The following UGT2B10 variants were observed in gnomAD, a reference collection of about 807,000 sequenced individuals.
UGT2B10 encodes the protein UDP-glucuronosyltransferase 2B10.
In UGT2B10, 51 loss-of-function variants were observed where a neutral mutation model predicts 43.7. The observed-to-expected ratio is 1.17, with a 90% CI of 0.93 to 1.47. The LOEUF is 1.47. UGT2B10 is among the 40% of genes most tolerant of loss of function. The pLI is 0.00. For missense variants in UGT2B10, 696 were observed against 617.7 expected, an observed-to-expected ratio of 1.13 and a Z score of -1.34; for synonymous variants, 225 against 209.0, an observed-to-expected ratio of 1.08 and a Z score of -0.66.
intron 3 of UGT2B10, among the ~76,000 whole-genome samples, chr4:68,824,746 G>T (rs561891641): frequency 1.3e-5 from 2 of 152,262 alleles, no homozygotes; most frequent in African/African-American, 4.8e-5. Context: ...CTTGGCTATA[G>T]AAGAACATAT....
At position 68,830,815 on chromosome 4, in the gene UGT2B10, C is replaced by T. The variant is rs772618391; in HGVS notation, c.1523C>T (p.Thr508Ile). The change falls in exon 6 of 6, where the codon ACA (threonine) becomes ATA (isoleucine). Residue 508 changes from threonine to isoleucine, a missense_variant. Physicochemically the swap from Thr to Ile is moderately conservative, Grantham distance 89. Transcript: ENST00000265403. ...ACVATVLFII[T>I]KCCLFCFWKF... ...GTGGCAACCGTGCTATTTATCATCA[C>T]AAAGTGTTGTCTGTTTTGTTTCTGG... 5.0e-6 allele frequency: 8 copies of T among 1,613,094 alleles called. No homozygotes were observed. In the Admixed American group the frequency reaches 1.3e-4, roughly 27 times the overall value.
chr4:68,827,659 A>G, intron 5 of UGT2B10, 111 bp downstream of exon 5: 2 of 1,512,868 alleles, frequency 1.3e-6, no homozygotes, highest in South Asian at 1.3e-5. Context: ...AAGAATTTAA[A>G]TGATTTAACC....
intron 5 of UGT2B10, among the ~76,000 whole-genome samples, chr4:68,829,675 A>G (rs58191588): frequency 0.013 from 1,996 of 152,108 alleles, 33 homozygotes; most frequent in African/African-American, 0.042. Context: ...TGCCTTGGGT[A>G]TAGCAAGAAA....
chr4:68,823,740 A>T (rs1280745140), intron 3 of UGT2B10, among the ~76,000 whole-genome samples: 1 of 152,168 alleles, frequency 6.6e-6, no homozygotes, highest in African/African-American at 2.4e-5. Flanking sequence ...CCTAAAAATT[A>T]GAGCTTTTGG....
chr4:68,819,592 A>G (rs1024512667), intron 2 of UGT2B10, among the ~76,000 whole-genome samples: 1 of 151,982 alleles, frequency 6.6e-6, no homozygotes, highest in Non-Finnish European at 1.5e-5. Context: ...GCATAAACAT[A>G]TCCTATTAGA....
Position 68,826,413 on chromosome 4 carries a change from C to A in UGT2B10, c.1003C>A (p.Leu335Ile). 1.2e-6 allele frequency: 2 copies of A among 1,610,176 alleles called. No individual in the cohort carries two copies. The highest frequency in any genetic ancestry group is 1.7e-6 in the Non-Finnish European group (2 of 1,178,818). Residue 335 changes from leucine (L) to isoleucine (I), a missense_variant, in exon 4 of 6, where the codon CTT becomes ATT. Physicochemically the swap from Leu to Ile is conservative, Grantham distance 5. Coordinates refer to ENST00000265403, the MANE Select transcript of UGT2B10 (RefSeq NM_001075.6). ...TALAKIPQKV[L>I]WRFDGNKPDA... is the part of the protein sequence containing the mutation. ...GATATTCTCTTTACTGTAACAGGTT[C>A]TTTGGAGATTTGATGGGAATAAACC...
chr4:68,816,208 T>G lies in UGT2B10; in HGVS notation c.189T>G (p.Phe63Leu), dbSNP rs1320189262. ...TGGCATCTTCAGCTTCCATTCTTTT[T>G]GATCCCAACGACTCATCCACTCTTA... is the stretch of plus-strand genomic sequence containing the variant. Reference protein sequence around the residue: ...TVLASSASILFDPNDSSTLKL... With the variant: ...TVLASSASILLDPNDSSTLKL... The change falls in exon 1 of 6, where the codon TTT (phenylalanine) becomes TTG (leucine). Residue 63 changes from phenylalanine (F) to leucine (L), a missense_variant. By Grantham distance (22) the Phe-to-Leu change is conservative (BLOSUM62 0). Transcript: ENST00000265403. 5.0e-6 allele frequency: 8 copies of G among 1,613,206 alleles called. No homozygotes were observed. The highest frequency in any genetic ancestry group is 6.8e-6 in the Non-Finnish European group (8 of 1,179,392).
intron 3 of UGT2B10, among the ~76,000 whole-genome samples, chr4:68,825,786 A>T (rs1055708145): frequency 3.9e-5 from 6 of 152,246 alleles, no homozygotes; most frequent in African/African-American, 1.4e-4. Flanking sequence ...TGTGAATAGT[A>T]GTGCAACTAA....
chr4:68,828,128 C>A (rs1387372633), intron 5 of UGT2B10, among the ~76,000 whole-genome samples: 1 of 151,962 alleles, frequency 6.6e-6, no homozygotes, highest in Non-Finnish European at 1.5e-5. Context: ...ACCAAAATCA[C>A]CTCCCATGAC....
chr4:68,824,681 T>C (rs919506662), intron 3 of UGT2B10, among the ~76,000 whole-genome samples: 6 of 152,176 alleles, frequency 3.9e-5, no homozygotes, highest in Admixed American at 3.9e-4. Flanking sequence ...TAAATTATTG[T>C]TCAGTTTATG....
At chr4:68,824,896 C>CA (rs1460937708) in intron 3 of UGT2B10, among the ~76,000 whole-genome samples, 5 of 151,720 alleles carry the variant, frequency 3.3e-5, no homozygotes, top group East Asian at 1.9e-4. Flanking sequence ...ATTTCTATGC[C>CA]AAAAAAATCC....
rs746551545 is a variant in UGT2B10 at position 68,818,169 on chromosome 4, C to T, written c.859C>T (p.Leu287=). Reference sequence around the variant, plus strand: ...ACTCCACTGCAAACCTGCCAAACCCCTACCTAAGGTAAACATACTTTCGTT... The same window carrying T: ...ACTCCACTGCAAACCTGCCAAACCCTTACCTAAGGTAAACATACTTTCGTT... ...GGLHCKPAKP[L]PKEMEEFVQS... Residue 287 remains leucine (L), a synonymous_variant, in exon 2 of 6, where the codon CTA becomes TTA. Transcript: ENST00000265403. 2 of 1,609,720 alleles carry T rather than the reference C, an allele frequency of 1.2e-6. No homozygotes were observed. Among genetic ancestry groups the T allele is most frequent in the Non-Finnish European group, 1.7e-6 (2 of 1,177,794 alleles).
intron 3 of UGT2B10, among the ~76,000 whole-genome samples, 191 bp downstream of exon 3, chr4:68,822,593 G>A (rs982984103): frequency 6.6e-6 from 1 of 152,086 alleles, no homozygotes; most frequent in African/African-American, 2.4e-5. Flanking sequence ...ATGTGGCCCT[G>A]GGGTAGTTAC....
intron 2 of UGT2B10, among the ~76,000 whole-genome samples, chr4:68,820,628 TTATAAA>T (rs1378856949): frequency 6.6e-6 from 1 of 151,852 alleles, no homozygotes; most frequent in Non-Finnish European, 1.5e-5. Context: ...AATAAGAAAA[TTATAAA>T]TATAACACGA....
Position 68,816,533 on chromosome 4 carries a change from A to T in UGT2B10, c.514A>T (p.Ser172Cys), listed in dbSNP as rs1292899279. The change falls in exon 1 of 6, where the codon AGC becomes TGC. Residue 172 changes from serine to cysteine, a missense_variant. Ser to Cys is a moderately radical substitution (Grantham distance 112). Coordinates refer to ENST00000265403, the MANE Select transcript of UGT2B10 (RefSeq NM_001075.6). ...LFNIPFVYSH[S>C]FSPGYSFERH... ...TAACATACCCTTTGTGTACAGTCAC[A>T]GCTTCAGTCCTGGCTACTCATTTGA... The T allele has an allele frequency of 3.1e-6, 5 of 1,613,056 alleles. No homozygotes were observed. The East Asian group carries it at 8.9e-5, about 29-fold the overall frequency.
chr4:68,819,584 A>G (rs993839179), intron 2 of UGT2B10, among the ~76,000 whole-genome samples: 1 of 152,010 alleles, frequency 6.6e-6, no homozygotes, highest in African/African-American at 2.4e-5. Flanking sequence ...ATTTTAGAGC[A>G]TAAACATATC....
At chr4:68,826,618 A>G in intron 4 of UGT2B10, 121 bp downstream of exon 4, 1 of 1,242,688 alleles carries the variant, frequency 8.0e-7, no homozygotes, top group Non-Finnish European at 1.1e-6. Context: ...ACTTCTTTAT[A>G]TTTATTTTCC....
chr4:68,816,360 T>G lies in UGT2B10; in HGVS notation c.341T>G (p.Ile114Ser). Reference sequence around the variant, plus strand: ...TTACCTTTTTCACAAGAACAAGAAATCCTGTGGGCAATTAATGACATAATT... The same window carrying G: ...TTACCTTTTTCACAAGAACAAGAAAGCCTGTGGGCAATTAATGACATAATT... ...FWLPFSQEQE[I>S]LWAINDIIRN... Residue 114 changes from isoleucine to serine, a missense_variant, in exon 1 of 6, where the codon ATC (isoleucine) becomes AGC (serine). Coordinates refer to ENST00000265403, the MANE Select transcript of UGT2B10 (RefSeq NM_001075.6). The G allele has an allele frequency of 6.2e-7, 1 of 1,613,056 alleles. No individual in the cohort carries two copies. The highest frequency in any genetic ancestry group is 8.5e-7 in the Non-Finnish European group (1 of 1,179,408).
intron 1 of UGT2B10, among the ~76,000 whole-genome samples, chr4:68,817,822 C>T (rs562722875): frequency 6.6e-6 from 1 of 151,878 alleles, no homozygotes; most frequent in African/African-American, 2.4e-5. Context: ...AATTCTCCCA[C>T]TACTTTGCCT....
Sources: allele counts gnomAD v4.1 joint callset (sites outside exome capture counted in the v4.1 genomes callset), GRCh38; gene constraint gnomAD v4.1.1; transcripts MANE v1.5; gene names NCBI Gene and HGNC (gene_info 2026-07-23, HGNC 2026-07-21).